SDK1: variants seen among roughly 807,000 people sequenced by gnomAD.
The protein encoded by SDK1 is sidekick cell adhesion molecule 1, also known as protein sidekick-1.
In SDK1, 157 loss-of-function variants were observed where a neutral mutation model predicts 245.5. The observed-to-expected ratio is 0.64, with a 90% CI of 0.56 to 0.73. The LOEUF (loss-of-function observed/expected upper bound fraction) is 0.73, where lower values mean the gene tolerates loss of function less well. Among genes scored for constraint, SDK1 ranks in the 30% least tolerant of loss-of-function variants. SDK1 has a pLI of 0.00. For synonymous variants in SDK1, 1,647 were observed against 1,278.5 expected (o/e 1.29, Z -6.15); for missense variants, 3,583 against 3,002.3 (o/e 1.19, Z -4.52).
At position 3,666,813 on chromosome 7, in the gene SDK1, T is replaced by C. The variant is rs1162422087; in HGVS notation, c.713+24708T>C. 7.2e-5 allele frequency among the ~76,000 whole-genome samples: 11 copies of C among 152,180 alleles called. No individual in the cohort carries two copies. In the East Asian group the frequency reaches 2.1e-3, roughly 29 times the overall value. On this transcript the variant is annotated intron_variant, in intron 4 of 44. Coordinates refer to ENST00000404826, the MANE Select transcript of SDK1 (RefSeq NM_152744.4). ...GTCAGTGGTGAGATCAGGTGGTCCA[T>C]GCCTTCCTATCTCAGGTCTTGCAGG... is the stretch of plus-strand genomic sequence containing the variant.
intron 14 of SDK1, among the ~76,000 whole-genome samples, chr7:4,010,762 G>T (rs1372117475): frequency 1.3e-5 from 2 of 152,196 alleles, no homozygotes; most frequent in Non-Finnish European, 1.5e-5. Flanking sequence ...CGGCACCGGG[G>T]AAGTTGCCTT....
chr7:3,857,546 G>A (rs141560123), intron 5 of SDK1, among the ~76,000 whole-genome samples: 4 of 152,086 alleles, frequency 2.6e-5, no homozygotes, highest in Admixed American at 2.0e-4. Context: ...AATTAACCAC[G>A]TGTGGTGGTG....
chr7:3,847,653 C>T (rs957741241), intron 5 of SDK1, among the ~76,000 whole-genome samples: 1 of 152,148 alleles, frequency 6.6e-6, no homozygotes, highest in African/African-American at 2.4e-5. Flanking sequence ...ACTGTTTATC[C>T]TAAAGGAATT....
At chr7:3,670,370 C>T (rs1049301438) in intron 4 of SDK1, among the ~76,000 whole-genome samples, 2 of 152,158 alleles carry the variant, frequency 1.3e-5, no homozygotes, top group Non-Finnish European at 2.9e-5. Flanking sequence ...ATATTGGTTA[C>T]GTTCTTAGTT....
intron 4 of SDK1, among the ~76,000 whole-genome samples, chr7:3,760,099 G>C (rs1375056760): frequency 2.0e-5 from 3 of 150,062 alleles, no homozygotes; most frequent in African/African-American, 7.5e-5. Flanking sequence ...CATTGTGCAT[G>C]TTTGTAAAAA....
chr7:3,690,201 C>T (rs372238015), intron 4 of SDK1, among the ~76,000 whole-genome samples: 18 of 152,224 alleles, frequency 1.2e-4, no homozygotes, highest in African/African-American at 2.6e-4. Flanking sequence ...TACCTCATCA[C>T]GACGCTAATG....
chr7:3,480,688 T>C (rs1185888885), intron 1 of SDK1, among the ~76,000 whole-genome samples: 1 of 152,260 alleles, frequency 6.6e-6, no homozygotes, highest in Non-Finnish European at 1.5e-5. Flanking sequence ...GCATATGGAT[T>C]GTAGTCCCCT....
chr7:4,127,445 A>G lies in SDK1; in HGVS notation c.3888A>G (p.Thr1296=), dbSNP rs763015235. 1 of 1,614,214 alleles carries G rather than the reference A, an allele frequency of 6.2e-7. No individual in the cohort carries two copies. The highest frequency in any genetic ancestry group is 2.2e-5 in the East Asian group (1 of 44,882). ...EAVSSTQILL[T]WTSVPEQDQN... ...TCAGCTCGACCCAGATTTTACTGACATGGACATCCGTGCCGGAACAGGACC... is the reference window on the plus strand; with the variant it reads ...TCAGCTCGACCCAGATTTTACTGACGTGGACATCCGTGCCGGAACAGGACC... Residue 1296 remains threonine (T), a synonymous_variant, in exon 26 of 45, where the codon ACA becomes ACG. Coordinates refer to ENST00000404826, the MANE Select transcript of SDK1 (RefSeq NM_152744.4).
intron 1 of SDK1, among the ~76,000 whole-genome samples, chr7:3,323,348 A>G (rs761762743): frequency 5.3e-5 from 8 of 152,158 alleles, no homozygotes; most frequent in Non-Finnish European, 7.3e-5. Flanking sequence ...TTTTTTCTTT[A>G]TCACGATTGC....
intron 40 of SDK1, among the ~76,000 whole-genome samples, chr7:4,226,528 C>T (rs762332335): frequency 7.9e-5 from 12 of 152,206 alleles, no homozygotes; most frequent in Non-Finnish European, 1.3e-4. Flanking sequence ...CATGTGGAGA[C>T]GCAGAACTGA....
intron 4 of SDK1, among the ~76,000 whole-genome samples, chr7:3,697,424 C>T (rs1283609059): frequency 6.6e-6 from 1 of 152,150 alleles, no homozygotes; most frequent in African/African-American, 2.4e-5. Flanking sequence ...TGACGTTTAG[C>T]TAGTAATATG....
intron 34 of SDK1, 152 bp downstream of exon 34, chr7:4,175,986 C>T (rs1005423615): frequency 3.1e-6 from 2 of 636,134 alleles, no homozygotes; most frequent in African/African-American, 1.8e-5. Flanking sequence ...CATACCAAAC[C>T]ACCAGGGAGA....
Position 3,321,833 on chromosome 7 carries a change from T to TTCCTTCCTTCCTTCCTTCCTTCC in SDK1, c.298+19950_298+19951insCCTTCCTTCCTTCCTTCCTTCCT, listed in dbSNP as rs1417856290. Among the ~76,000 whole-genome samples, 13 of 103,688 alleles carry TTCCTTCCTTCCTTCCTTCCTTCC rather than the reference T, an allele frequency of 1.3e-4. 1 individual carries two copies. In the Admixed American group the frequency reaches 1.4e-3, roughly 11 times the overall value. The allele number at this position is 103,688 out of a possible 152,430, so 68.0% of individuals were successfully genotyped here. A position where few individuals can be genotyped will look rare whatever the true frequency, so the allele number is the denominator to read the frequency against. On this transcript the variant is annotated intron_variant, in intron 1 of 44. Coordinates refer to ENST00000404826, the MANE Select transcript of SDK1 (RefSeq NM_152744.4). ...CCTTCCTTCCTTCCTTCCTTCCTCC[T>TTCCTTCCTTCCTTCCTTCCTTCC]TTTCTCTCTCTCTCTCTCTCTTTCT...
chr7:3,780,263 A>G (rs1474825234), intron 4 of SDK1, among the ~76,000 whole-genome samples: 2 of 152,234 alleles, frequency 1.3e-5, no homozygotes, highest in Non-Finnish European at 2.9e-5. Context: ...CCACAGGGAA[A>G]GAGAACCAGA....
Position 3,472,086 on chromosome 7 carries a change from T to G in SDK1, c.299-146994T>G, listed in dbSNP as rs1781202254. Among the ~76,000 whole-genome samples the G allele has an allele frequency of 2.0e-5, 3 of 152,324 alleles. No homozygotes were observed. In the South Asian group the frequency reaches 6.2e-4, roughly 32 times the overall value. ...GTGCTGTGGTATTGTTTGCAGGTCCTTTCTTATCCTTTATCTGTGTCTCCT... is the reference window on the plus strand; with the variant it reads ...GTGCTGTGGTATTGTTTGCAGGTCCGTTCTTATCCTTTATCTGTGTCTCCT... On this transcript the variant is annotated intron_variant, in intron 1 of 44. Coordinates refer to ENST00000404826, the MANE Select transcript of SDK1 (RefSeq NM_152744.4).
intron 35 of SDK1, among the ~76,000 whole-genome samples, chr7:4,187,472 C>G (rs1205944933): frequency 6.6e-6 from 1 of 152,224 alleles, no homozygotes; most frequent in African/African-American, 2.4e-5. Context: ...GCAGCGGTGA[C>G]CAGATACAGG....
intron 35 of SDK1, among the ~76,000 whole-genome samples, chr7:4,186,662 C>T (rs990078879): frequency 6.6e-6 from 1 of 152,132 alleles, no homozygotes; most frequent in Non-Finnish European, 1.5e-5. Context: ...GGGCTGCCGT[C>T]AATGAGTAGA....
chr7:3,807,141 AC>A (rs1169759263), intron 4 of SDK1, among the ~76,000 whole-genome samples: 2 of 152,070 alleles, frequency 1.3e-5, no homozygotes, highest in African/African-American at 4.8e-5. Context: ...AAAAAAATCT[AC>A]CCCATCCCCA....
At chr7:3,924,623 C>T (rs1365804304) in intron 5 of SDK1, among the ~76,000 whole-genome samples, 2 of 152,226 alleles carry the variant, frequency 1.3e-5, no homozygotes, top group Non-Finnish European at 2.9e-5. Context: ...TCGCCAGCTT[C>T]CCGGAGAAAC....
Sources: allele counts gnomAD v4.1 joint callset (sites outside exome capture counted in the v4.1 genomes callset), GRCh38; gene constraint gnomAD v4.1.1; transcripts MANE v1.5; gene names NCBI Gene and HGNC (gene_info 2026-07-23, HGNC 2026-07-21).